Variants in KCNT2 observed in about 807,000 individuals in gnomAD.
KCNT2 encodes potassium channel subfamily T member 2.
KCNT2 carries 67 observed loss-of-function variants against 153.8 expected under a neutral mutation model. That is an observed-to-expected ratio of 0.44 (90% CI 0.36 to 0.53). The LOEUF (loss-of-function observed/expected upper bound fraction) is 0.53. KCNT2 is among the 20% of genes least tolerant of loss of function. The probability of loss-of-function intolerance (pLI) is 0.00; values close to 1 mark genes in which losing one functional copy is unlikely to be tolerated. For synonymous variants in KCNT2, 500 were observed against 458.8 expected, an observed-to-expected ratio of 1.09 and a Z score of -1.15; for missense variants, 975 against 1,354.8, an observed-to-expected ratio of 0.72 and a Z score of 4.40.
At chr1:196,427,542 G>A (rs949362625) in intron 10 of KCNT2, among the ~76,000 whole-genome samples, 2 of 151,990 alleles carry the variant, frequency 1.3e-5, no homozygotes, top group African/African-American at 4.8e-5. Flanking sequence ...TGCATAGACA[G>A]AAAGAAAAGT....
At chr1:196,284,031 G>A (rs561028100) in intron 23 of KCNT2, among the ~76,000 whole-genome samples, 1 of 150,480 alleles carries the variant, frequency 6.6e-6, no homozygotes, top group South Asian at 2.1e-4. Flanking sequence ...AGGGGTTCGA[G>A]ACCAGCCTGA....
intron 26 of KCNT2, among the ~76,000 whole-genome samples, chr1:196,238,316 G>C (rs993449290): frequency 6.6e-6 from 1 of 151,752 alleles, no homozygotes; most frequent in South Asian, 2.1e-4. Flanking sequence ...TATGATTTTT[G>C]TGCCAATATT....
At chr1:196,295,985 C>T (rs1660643156) in intron 22 of KCNT2, among the ~76,000 whole-genome samples, 1 of 151,902 alleles carries the variant, frequency 6.6e-6, no homozygotes, top group Non-Finnish European at 1.5e-5. Context: ...GTCTAGACTA[C>T]TTTGTTGTTT....
chr1:196,459,713 T>C (rs77394225), intron 8 of KCNT2, among the ~76,000 whole-genome samples: 6,930 of 151,930 alleles, frequency 0.046, 229 homozygotes, highest in Non-Finnish European at 0.07. Context: ...AAAATTAGAA[T>C]CTGAATGCTG....
At chr1:196,525,900 G>A in intron 1 of KCNT2, among the ~76,000 whole-genome samples, 1 of 151,866 alleles carries the variant, frequency 6.6e-6, no homozygotes, top group Non-Finnish European at 1.5e-5. Context: ...GTTATGTATT[G>A]AACACTTGAC....
chr1:196,400,599 T>A (rs1445897899), intron 12 of KCNT2, among the ~76,000 whole-genome samples: 1 of 151,754 alleles, frequency 6.6e-6, no homozygotes, highest in East Asian at 1.9e-4. Context: ...AATAGTGAAG[T>A]AATATCATTA....
chr1:196,328,976 G>C (rs1664166832), intron 18 of KCNT2, among the ~76,000 whole-genome samples: 1 of 152,082 alleles, frequency 6.6e-6, no homozygotes, highest in Admixed American at 6.6e-5. Flanking sequence ...AACAAGAATA[G>C]TGTTGAGCTG....
intron 10 of KCNT2, among the ~76,000 whole-genome samples, chr1:196,426,858 T>G (rs560813022): frequency 6.6e-6 from 1 of 152,094 alleles, no homozygotes; most frequent in African/African-American, 2.4e-5. Flanking sequence ...ATAGTGAGTA[T>G]GTATCACCAC....
At chr1:196,528,588 T>C (rs1654551811) in intron 1 of KCNT2, among the ~76,000 whole-genome samples, 1 of 152,160 alleles carries the variant, frequency 6.6e-6, no homozygotes, top group Non-Finnish European at 1.5e-5. Flanking sequence ...CCCATTTACT[T>C]TAGCATGGTC....
chr1:196,293,453 G>C (rs1660384643), intron 22 of KCNT2, among the ~76,000 whole-genome samples: 4 of 152,258 alleles, frequency 2.6e-5, no homozygotes, highest in Admixed American at 2.6e-4. Flanking sequence ...AAAGCAGACA[G>C]GAAGATTGAC....
In KCNT2 at chr1:196,258,427, C is replaced by G. The variant is rs779563341; in HGVS notation, c.2978G>C (p.Arg993Pro). ...GGATGTTGAGTTGCGGTGGTTGCTGCGGTGGTGCCCTTGTTCTTTGGAGTC... is the reference window on the plus strand; with the variant it reads ...GGATGTTGAGTTGCGGTGGTTGCTGGGGTGGTGCCCTTGTTCTTTGGAGTC... ...TKDSKEQGHH[R>P]SNHRNSTSSD... Residue 993 changes from arginine to proline, a missense_variant, in exon 26 of 28, where the codon CGC becomes CCC. By Grantham distance (103) the Arg-to-Pro change is moderately radical (BLOSUM62 -2). Transcript: ENST00000294725. 1 of 1,613,866 alleles carries G rather than the reference C, an allele frequency of 6.2e-7. No homozygotes were observed. The highest frequency in any genetic ancestry group is 1.7e-5 in the Admixed American group (1 of 59,966).
chr1:196,563,572 A>C (rs1353335995), intron 1 of KCNT2, among the ~76,000 whole-genome samples: 1 of 151,966 alleles, frequency 6.6e-6, no homozygotes, highest in Admixed American at 6.6e-5. Flanking sequence ...AACTACAAGA[A>C]AAGAAAATTT....
intron 8 of KCNT2, among the ~76,000 whole-genome samples, chr1:196,449,740 C>A (rs1675990785): frequency 6.6e-6 from 1 of 151,398 alleles, no homozygotes; most frequent in African/African-American, 2.4e-5. Context: ...ATTATAAGGA[C>A]TCTATACTCA....
intron 5 of KCNT2, among the ~76,000 whole-genome samples, chr1:196,469,949 C>A (rs1445795080): frequency 2.0e-5 from 3 of 152,180 alleles, no homozygotes; most frequent in Non-Finnish European, 4.4e-5. Flanking sequence ...AAAATTGGGA[C>A]TCTTTCTTAA....
chr1:196,427,764 T>C (rs1363165623), intron 10 of KCNT2, among the ~76,000 whole-genome samples: 2 of 152,098 alleles, frequency 1.3e-5, no homozygotes, highest in Non-Finnish European at 2.9e-5. Context: ...TGTTTTATTA[T>C]ATTTTATCTT....
At chr1:196,318,106 T>C (rs919252621) in intron 20 of KCNT2, among the ~76,000 whole-genome samples, 2 of 151,574 alleles carry the variant, frequency 1.3e-5, no homozygotes, top group Non-Finnish European at 3.0e-5. Context: ...TTACACAGTG[T>C]GGCCAGCAGA....
intron 1 of KCNT2, among the ~76,000 whole-genome samples, chr1:196,504,905 G>A (rs1242268215): frequency 1.9e-4 from 29 of 152,112 alleles, no homozygotes; most frequent in Non-Finnish European, 3.4e-4. Context: ...ATCTGTTCAT[G>A]TCCTTTGCCC....
rs546276606 is a variant in KCNT2, at chr1:196,353,318, G to C, written c.1404-11090C>G. ...TTGGACCTCATCTCACTGGGCTGGG[G>C]GTGGATGCATAACCACTGTGCTCCT... On this transcript the variant is annotated intron_variant, in intron 14 of 27. Transcript: ENST00000294725. 1.4e-4 allele frequency among the ~76,000 whole-genome samples: 21 copies of C among 151,914 alleles called. No homozygotes were observed. The South Asian group carries it at 4.4e-3, about 32-fold the overall frequency.
At chr1:196,290,782 C>T (rs1419394783) in intron 22 of KCNT2, among the ~76,000 whole-genome samples, 1 of 152,008 alleles carries the variant, frequency 6.6e-6, no homozygotes, top group East Asian at 1.9e-4. Context: ...TCTTTATTAT[C>T]TCATGCCTGA....
Sources: allele counts gnomAD v4.1 joint callset (sites outside exome capture counted in the v4.1 genomes callset), GRCh38; gene constraint gnomAD v4.1.1; transcripts MANE v1.5; gene names NCBI Gene and HGNC (gene_info 2026-07-23, HGNC 2026-07-21).